GATA4: variants seen among roughly 807,000 people sequenced by gnomAD.
The protein encoded by GATA4 is GATA binding protein 4, also known as transcription factor GATA-4.
In GATA4, 7 loss-of-function variants were observed where a neutral mutation model predicts 37.9. That is an observed-to-expected ratio of 0.18 (90% CI 0.11 to 0.35). The LOEUF (loss-of-function observed/expected upper bound fraction) is 0.35. Among genes scored for constraint, GATA4 ranks in the 10% least tolerant of loss-of-function variants. The pLI, the probability that GATA4 is intolerant of heterozygous loss-of-function variation, is 1.00. For synonymous variants in GATA4, 372 were observed against 292.6 expected (o/e 1.27, Z -2.77); for missense variants, 647 against 653.0 (o/e 0.99, Z 0.10).
intron 1 of GATA4, chr8:11,692,676 CGGGGGTGA>C: frequency 1.1e-6 from 1 of 939,018 alleles, no homozygotes; most frequent in Non-Finnish European, 1.3e-6. Context: ...TGCGGGGGTG[CGGGGGTGA>C]GGGGTGCGGG....
intron 2 of GATA4, among the ~76,000 whole-genome samples, chr8:11,719,116 G>A (rs1310688099): frequency 6.6e-6 from 1 of 152,040 alleles, no homozygotes; most frequent in Non-Finnish European, 1.5e-5. Flanking sequence ...GCTAGTTGTT[G>A]TTTTATCAGC....
chr8:11,733,901 G>A (rs1027748825), intron 2 of GATA4, among the ~76,000 whole-genome samples: 1 of 152,174 alleles, frequency 6.6e-6, no homozygotes, highest in East Asian at 1.9e-4. Flanking sequence ...CCACACAGAG[G>A]CATTAAGAGC....
chr8:11,719,505 T>C (rs1407920802), intron 2 of GATA4, among the ~76,000 whole-genome samples: 1 of 151,926 alleles, frequency 6.6e-6, no homozygotes, highest in African/African-American at 2.4e-5. Context: ...TTTCAAGTAG[T>C]ATAAGGGAAA....
intron 1 of GATA4, chr8:11,683,052 T>G: frequency 1.0e-6 from 1 of 985,312 alleles, no homozygotes; most frequent in Non-Finnish European, 1.2e-6. Context: ...TCGACAGCTC[T>G]CTGGTGTCTC....
At chr8:11,694,823 G>A (rs1799456269) in intron 1 of GATA4, among the ~76,000 whole-genome samples, 1 of 152,086 alleles carries the variant, frequency 6.6e-6, no homozygotes, top group Non-Finnish European at 1.5e-5. Context: ...CTGGGAAGAG[G>A]TAGAAACAAT....
At chr8:11,751,295 C>A (rs979542148) in intron 4 of GATA4, among the ~76,000 whole-genome samples, 1 of 152,182 alleles carries the variant, frequency 6.6e-6, no homozygotes, top group Non-Finnish European at 1.5e-5. Flanking sequence ...AGGTGCCCAA[C>A]ACTACCTACT....
In GATA4 at chr8:11,749,142, G is replaced by GT; in HGVS notation, c.786+58dup. ...ACCTGGCTGCGGAGCTCTCGCCTTGGTGGGACATCCTCTGGTTTTGAATTT... is the reference window on the plus strand; with the variant it reads ...ACCTGGCTGCGGAGCTCTCGCCTTGGTTGGGACATCCTCTGGTTTTGAATTT... On this transcript the variant is annotated intron_variant, in intron 3 of 6. Transcript: ENST00000532059. The surrounding 1 kb of genome is among the most constrained non-coding windows in gnomAD (Gnocchi z 4.6). The GT allele has an allele frequency of 6.4e-7, 1 of 1,572,436 alleles. No individual in the cohort carries two copies. The highest frequency in any genetic ancestry group is 8.7e-7 in the Non-Finnish European group (1 of 1,149,764).
intron 2 of GATA4, among the ~76,000 whole-genome samples, chr8:11,724,302 C>T (rs998732356): frequency 6.6e-6 from 1 of 152,116 alleles, no homozygotes; most frequent in African/African-American, 2.4e-5. Flanking sequence ...TATTCACCTC[C>T]CTGCTTTTAC....
At chr8:11,745,160 G>A (rs1048173922) in intron 2 of GATA4, among the ~76,000 whole-genome samples, 1 of 152,214 alleles carries the variant, frequency 6.6e-6, no homozygotes, top group Admixed American at 6.5e-5. Flanking sequence ...ACTTTGAGGT[G>A]AGCCTGCAGG....
chr8:11,702,778 G>A (rs957404266), upstream of GATA4, among the ~76,000 whole-genome samples: 5 of 152,108 alleles, frequency 3.3e-5, no homozygotes, highest in African/African-American at 4.8e-5. This position sits in a 1 kb window ranked among gnomAD's most constrained non-coding sequence, Gnocchi z 4.4. Flanking sequence ...TCCAGCCTGT[G>A]CGCAGGCCTT....
intron 2 of GATA4, among the ~76,000 whole-genome samples, chr8:11,726,143 C>G (rs1310400435): frequency 6.6e-6 from 1 of 152,234 alleles, no homozygotes; most frequent in Admixed American, 6.5e-5. Flanking sequence ...AGCCCGGAAT[C>G]CATCCTGAAG....
chr8:11,721,785 A>G (rs1800689437), intron 2 of GATA4, among the ~76,000 whole-genome samples: 1 of 152,128 alleles, frequency 6.6e-6, no homozygotes, highest in African/African-American at 2.4e-5. Flanking sequence ...CTTTCTCTAA[A>G]GGTGGTGGGA....
chr8:11,692,089 G>A, upstream of GATA4: 3 of 981,024 alleles, frequency 3.1e-6, no homozygotes, highest in Non-Finnish European at 3.6e-6. Context: ...AGAAAGGGAA[G>A]GTGACAGGTG....
At chr8:11,702,551 A>G (rs1225661837), upstream of GATA4, among the ~76,000 whole-genome samples, 1 of 150,602 alleles carries the variant, frequency 6.6e-6, no homozygotes, top group Non-Finnish European at 1.5e-5. This position sits in a 1 kb window ranked among gnomAD's most constrained non-coding sequence, Gnocchi z 4.4. Flanking sequence ...AGGATCGCAG[A>G]TTGGAGCGTG....
At chr8:11,692,004 G>T (rs1799328842), upstream of GATA4, 1 of 985,126 alleles carries the variant, frequency 1.0e-6, no homozygotes, top group Non-Finnish European at 1.2e-6. Flanking sequence ...CATTCAGGGA[G>T]ACTGCTTCGC....
intron 1 of GATA4, chr8:11,697,677 G>A (rs1374562433): frequency 1.0e-6 from 1 of 985,346 alleles, no homozygotes; most frequent in Non-Finnish European, 1.2e-6. Flanking sequence ...CGCGCCTGCG[G>A]ACCAGAGGCT....
intron 2 of GATA4, among the ~76,000 whole-genome samples, chr8:11,737,358 A>T (rs1207440925): frequency 1.3e-5 from 2 of 152,154 alleles, no homozygotes; most frequent in Non-Finnish European, 2.9e-5. Flanking sequence ...ACGGCAGGCC[A>T]TGGGCCTGGA....
chr8:11,677,869 G>A (rs887344323), intron 1 of GATA4, among the ~76,000 whole-genome samples: 4 of 152,190 alleles, frequency 2.6e-5, no homozygotes, highest in Admixed American at 6.5e-5. Flanking sequence ...GGCCCACTGC[G>A]TGCGTTGCAG....
At chr8:11,718,871 C>T (rs1029243150) in intron 2 of GATA4, among the ~76,000 whole-genome samples, 3 of 152,242 alleles carry the variant, frequency 2.0e-5, no homozygotes, top group African/African-American at 7.2e-5. Flanking sequence ...AAGTTCACCA[C>T]TTTTGCAATG....
Sources: allele counts gnomAD v4.1 joint callset (sites outside exome capture counted in the v4.1 genomes callset), GRCh38; gene constraint gnomAD v4.1.1; non-coding constraint Gnocchi (gnomAD v3.1); transcripts MANE v1.5; gene names NCBI Gene and HGNC (gene_info 2026-07-23, HGNC 2026-07-21).